Variants in CCND2 observed in about 807,000 individuals in gnomAD.
CCND2 encodes the protein cyclin D2.
In CCND2, 6 loss-of-function variants were observed where a neutral mutation model predicts 30.2. The observed-to-expected ratio is 0.20, with a 90% CI of 0.11 to 0.39. The LOEUF (loss-of-function observed/expected upper bound fraction) is 0.39. CCND2 is among the 10% of genes least tolerant of loss of function. The probability of loss-of-function intolerance (pLI) is 1.00; values close to 1 mark genes in which losing one functional copy is unlikely to be tolerated. For synonymous variants in CCND2, 150 were observed against 153.1 expected, an observed-to-expected ratio of 0.98 and a Z score of 0.15; for missense variants, 235 against 373.4, an observed-to-expected ratio of 0.63 and a Z score of 3.06.
chr12:4,277,909 A>G (rs1005412658), intron 2 of CCND2, among the ~76,000 whole-genome samples: 2 of 152,238 alleles, frequency 1.3e-5, no homozygotes, highest in African/African-American at 4.8e-5. Flanking sequence ...TTTCCCTTTG[A>G]GCACAGTTTC....
Position 4,300,132 on chromosome 12 carries a change from T to C in CCND2, c.*123T>C, listed in dbSNP as rs1166380710. 2.0e-5 allele frequency: 19 copies of C among 971,598 alleles called. No homozygotes were observed. The highest frequency in any genetic ancestry group is 4.4e-6 in the Non-Finnish European group (3 of 682,940). 60.2% of individuals were successfully genotyped at this position (971,598 alleles called of 1,614,324 possible). A position where few individuals can be genotyped will look rare whatever the true frequency, so the allele number is the denominator to read the frequency against. ...AAAAAAAATTCTGCCCCCACCTAGA[T>C]CATATTTAAAGATCTTTTAGAAGTG... On this transcript the variant is annotated 3_prime_UTR_variant, in exon 5 of 5. Transcript: ENST00000261254.
chr12:4,297,243 C>T (rs767405623), intron 4 of CCND2, among the ~76,000 whole-genome samples: 5 of 152,228 alleles, frequency 3.3e-5, no homozygotes, highest in East Asian at 1.9e-4. Context: ...TTAAGGTTTT[C>T]AAACATCTAC....
At chr12:4,294,944 C>CA (rs1157636386) in intron 4 of CCND2, among the ~76,000 whole-genome samples, 1 of 152,214 alleles carries the variant, frequency 6.6e-6, no homozygotes, top group East Asian at 1.9e-4. Flanking sequence ...TCTCTACCCC[C>CA]ACCCCAATCC....
At position 4,295,280 on chromosome 12, in the gene CCND2, C is replaced by T. The variant is rs533686749; in HGVS notation, c.721-4580C>T. 2.1e-4 allele frequency among the ~76,000 whole-genome samples: 32 copies of T among 152,208 alleles called. No homozygotes were observed. The East Asian group carries it at 4.4e-3, about 21-fold the overall frequency. On this transcript the variant is annotated intron_variant, in intron 4 of 4. Coordinates refer to ENST00000261254, the MANE Select transcript of CCND2 (RefSeq NM_001759.4). ...AACTAGAATGAGGGATTTGTGTAGT[C>T]GAAAGTCAAGCTGATCATTGTCAAG... is the stretch of plus-strand genomic sequence containing the variant.
In CCND2 at chr12:4,285,530, C is replaced by G; in HGVS notation, c.572-3312C>G. 1 of 535,968 alleles carries G rather than the reference C, an allele frequency of 1.9e-6. No homozygotes were observed. Among genetic ancestry groups the G allele is most frequent in the Non-Finnish European group, 2.4e-6 (1 of 419,588 alleles). The allele number at this position is 535,968 out of a possible 1,614,324, so 33.2% of individuals were successfully genotyped here. ...AGAACAGCTTTTATTTTCCGTGCATCCTTCCAGTTCATCCATAGGCATATA... is the reference window on the plus strand; with the variant it reads ...AGAACAGCTTTTATTTTCCGTGCATGCTTCCAGTTCATCCATAGGCATATA... On this transcript the variant is annotated intron_variant, in intron 3 of 4. Transcript: ENST00000261254. The surrounding 1 kb of genome is among the most constrained non-coding windows in gnomAD (Gnocchi z 4.1).
At position 4,273,999 on chromosome 12, in the gene CCND2, A is replaced by G. The variant is rs763640280; in HGVS notation, c.-42A>G. The G allele has an allele frequency of 5.1e-6, 8 of 1,582,024 alleles. No homozygotes were observed. Among genetic ancestry groups the G allele is most frequent in the Admixed American group, 3.6e-5 (2 of 55,588 alleles). ...AACAAAAACAGAAAAACCTTTTTCC[A>G]GGCCGGGGAAAGCAGGAGGGAGAGG... On this transcript the variant is annotated 5_prime_UTR_variant, in exon 1 of 5. Coordinates refer to ENST00000261254, the MANE Select transcript of CCND2 (RefSeq NM_001759.4). The surrounding 1 kb of genome is among the most constrained non-coding windows in gnomAD (Gnocchi z 5.9).
rs1284627676 is a variant in CCND2, at chr12:4,302,986, G to A, written c.*2977G>A. On this transcript the variant is annotated 3_prime_UTR_variant, in exon 5 of 5. Transcript: ENST00000261254. The stretch of plus-strand genomic sequence containing the variant: ...GGGCCCCAAGGAGTCCCACGGAATG[G>A]GGAAAGCGGGAACCCTGGAGTTCTT... 4.3e-6 allele frequency: 1 copy of A among 233,212 alleles called. No homozygotes were observed. The highest frequency in any genetic ancestry group is 2.2e-5 in the African/African-American group (1 of 45,344). 14.4% of individuals were successfully genotyped at this position (233,212 alleles called of 1,614,324 possible). A position where few individuals can be genotyped will look rare whatever the true frequency, so the allele number is the denominator to read the frequency against.
chr12:4,276,850 G>A lies in CCND2; in HGVS notation c.411+630G>A, dbSNP rs1003599994. 6.6e-6 allele frequency among the ~76,000 whole-genome samples: 1 copy of A among 152,182 alleles called. No individual in the cohort carries two copies. Among genetic ancestry groups the A allele is most frequent in the Non-Finnish European group, 1.5e-5 (1 of 68,040 alleles). ...GTCTTATCTCTGCTTTTCTACCAGG[G>A]AACCTTTTTCCCACCTGATCTAACT... On this transcript the variant is annotated intron_variant, in intron 2 of 4. Coordinates refer to ENST00000261254, the MANE Select transcript of CCND2 (RefSeq NM_001759.4). The surrounding 1 kb of genome is among the most constrained non-coding windows in gnomAD (Gnocchi z 4.8).
At chr12:4,286,974 G>T (rs773172574) in intron 3 of CCND2, among the ~76,000 whole-genome samples, 1 of 152,206 alleles carries the variant, frequency 6.6e-6, no homozygotes, top group Non-Finnish European at 1.5e-5. Context: ...GAATGTCACA[G>T]GGGGGAGCTA....
Position 4,303,254 on chromosome 12 carries a change from A to C in CCND2, c.*3245A>C, listed in dbSNP as rs1864275481. 4.3e-6 allele frequency: 1 copy of C among 233,170 alleles called. No individual in the cohort carries two copies. Among genetic ancestry groups the C allele is most frequent in the Non-Finnish European group, 8.5e-6 (1 of 118,100 alleles). 14.4% of individuals were successfully genotyped at this position (233,170 alleles called of 1,614,324 possible). On this transcript the variant is annotated 3_prime_UTR_variant, in exon 5 of 5. Coordinates refer to ENST00000261254, the MANE Select transcript of CCND2 (RefSeq NM_001759.4). This position sits in a 1 kb window ranked among gnomAD's most constrained non-coding sequence, Gnocchi z 4.6. ...TGTGATGATGGGTGTGGGGCTGCCG[A>C]TGGGAAAGTCGGGGGTTGTTAGGCT... is the stretch of plus-strand genomic sequence containing the variant.
intron 4 of CCND2, among the ~76,000 whole-genome samples, chr12:4,297,410 T>C (rs113045419): frequency 0.11 from 16,331 of 151,136 alleles, 918 homozygotes; most frequent in South Asian, 0.13. Flanking sequence ...ATCTCAACTA[T>C]AAATACAAAA....
rs1056938377 is a variant in CCND2 at position 4,305,260 on chromosome 12, A to G, written c.*5251A>G. The G allele has an allele frequency of 4.3e-6, 1 of 231,604 alleles. No individual in the cohort carries two copies. Among genetic ancestry groups the G allele is most frequent in the Non-Finnish European group, 8.5e-6 (1 of 117,136 alleles). 14.3% of individuals were successfully genotyped at this position (231,604 alleles called of 1,614,324 possible). ...TGTTAAGTGATTTAAAAAAATAATA[A>G]CCTGTTTTCTGACTAGTTTAAAGAT... On this transcript the variant is annotated 3_prime_UTR_variant, in exon 5 of 5. Coordinates refer to ENST00000261254, the MANE Select transcript of CCND2 (RefSeq NM_001759.4). The surrounding 1 kb of genome is among the most constrained non-coding windows in gnomAD (Gnocchi z 6.4).
intron 4 of CCND2, among the ~76,000 whole-genome samples, chr12:4,291,641 C>G (rs1203098609): frequency 6.6e-6 from 1 of 152,136 alleles, no homozygotes; most frequent in African/African-American, 2.4e-5. Context: ...AGGAAATCAA[C>G]CCAAAAGAAG....
intron 4 of CCND2, among the ~76,000 whole-genome samples, chr12:4,296,093 G>C (rs1296195456): frequency 6.6e-6 from 1 of 152,218 alleles, no homozygotes; most frequent in Non-Finnish European, 1.5e-5. Flanking sequence ...CAGAAAAAGT[G>C]GGGACACTGG....
intron 4 of CCND2, among the ~76,000 whole-genome samples, chr12:4,295,348 CAG>C (rs1864155422): frequency 6.6e-6 from 1 of 152,196 alleles, no homozygotes; most frequent in African/African-American, 2.4e-5. Flanking sequence ...GTGGAGACTG[CAG>C]AGAGGGTTAG....
At position 4,299,308 on chromosome 12, in the gene CCND2, C is replaced by T. The variant is rs1027275296; in HGVS notation, c.721-552C>T. Among the ~76,000 whole-genome samples, 2 of 152,026 alleles carry T rather than the reference C, an allele frequency of 1.3e-5. No individual in the cohort carries two copies. The highest frequency in any genetic ancestry group is 6.5e-5 in the Admixed American group (1 of 15,272). ...CCGGAAGGTGGAGGTTGCAGTGAGC[C>T]GAGATTGTGCCAGTGCACTCCAGCC... On this transcript the variant is annotated intron_variant, in intron 4 of 4. Transcript: ENST00000261254. This position sits in a 1 kb window ranked among gnomAD's most constrained non-coding sequence, Gnocchi z 5.2.
intron 4 of CCND2, among the ~76,000 whole-genome samples, chr12:4,291,938 C>G (rs75467397): frequency 3.2e-4 from 48 of 152,100 alleles, no homozygotes; most frequent in African/African-American, 1.1e-3. Context: ...TAGAGGTTCC[C>G]AGGAGTCTGG....
At chr12:4,278,398 G>A (rs1863901581) in intron 2 of CCND2, among the ~76,000 whole-genome samples, 1 of 152,108 alleles carries the variant, frequency 6.6e-6, no homozygotes, top group African/African-American at 2.4e-5. Flanking sequence ...CAATGACCTT[G>A]GCCGTATCTC....
chr12:4,297,671 A>G (rs1310906121), intron 4 of CCND2: 1 of 196,406 alleles, frequency 5.1e-6, no homozygotes, highest in East Asian at 1.2e-4. Context: ...TAATGCTGCC[A>G]CATGGTCCTT....
Sources: gnomAD v4.1 joint callset for allele counts (sites outside exome capture counted in the v4.1 genomes callset) on GRCh38, gnomAD v4.1.1 for gene constraint, Gnocchi (gnomAD v3.1) non-coding constraint, MANE v1.5 for transcripts, NCBI Gene and HGNC (gene_info 2026-07-23, HGNC 2026-07-21) for gene names.